Variants in GAPVD1 observed in about 807,000 individuals in gnomAD.
GAPVD1 encodes GTPase-activating protein and VPS9 domain-containing protein 1.
A neutral mutation model predicts 155.5 loss-of-function variants in GAPVD1; 35 were observed. The ratio of observed to expected loss-of-function variants is 0.23; its 90% CI spans 0.17 to 0.30. The LOEUF (loss-of-function observed/expected upper bound fraction) is 0.30, where lower values mean the gene tolerates loss of function less well. GAPVD1 is among the 10% of genes least tolerant of loss of function. The probability of loss-of-function intolerance (pLI) is 1.00; values close to 1 mark genes in which losing one functional copy is unlikely to be tolerated. For synonymous variants in GAPVD1, 636 were observed against 619.7 expected (o/e 1.03, Z -0.39); for missense variants, 1,429 against 1,775.7 (o/e 0.80, Z 3.51).
rs1649180046 is a variant in GAPVD1, at chr9:125,302,481, A to G, written c.684A>G (p.Pro228=). ...ACAAGCTAATTGAGAGGTTCTCTCC[A>G]TCTCAGCAGGAAAAACTCTTTGGAG... ...DPNKLIERFS[P]SQQEKLFGEK... The change falls in exon 5 of 28, where the codon CCA becomes CCG. Residue 228 remains proline (P), a synonymous_variant. Transcript: ENST00000297933. 9.3e-6 allele frequency: 15 copies of G among 1,613,816 alleles called. No homozygotes were observed. The highest frequency in any genetic ancestry group is 1.3e-5 in the Non-Finnish European group (15 of 1,179,932).
At position 125,349,434 on chromosome 9, in the gene GAPVD1, G is replaced by A. The variant is rs752026573; in HGVS notation, c.3214G>A (p.Glu1072Lys). Residue 1072 changes from glutamate (E) to lysine (K), a missense_variant, in exon 21 of 28, where the codon GAA becomes AAA. Glu to Lys is a moderately conservative substitution (Grantham distance 56). This residue lies in a region of GAPVD1 where 699 missense variants were observed against 826.0 expected (regional missense o/e 0.85). Transcript: ENST00000297933. ...AAGTGCACATGATTCTCCCCGTGAC[G>A]AAGCACTGCAGAACATCTCGGCTGA... ...GESAHDSPRD[E>K]ALQNISADDL... The A allele has an allele frequency of 3.7e-6, 6 of 1,613,748 alleles. No individual in the cohort carries two copies. Among genetic ancestry groups the A allele is most frequent in the Admixed American group, 3.3e-5 (2 of 60,002 alleles).
At chr9:125,352,276 C>T (rs998280542) in intron 23 of GAPVD1, among the ~76,000 whole-genome samples, 13 of 152,218 alleles carry the variant, frequency 8.5e-5, no homozygotes, top group African/African-American at 2.4e-4. Context: ...ATTTCCTTTC[C>T]GCACTGCCCT....
At chr9:125,283,896 G>A (rs1837209306) in intron 2 of GAPVD1, among the ~76,000 whole-genome samples, 1 of 150,150 alleles carries the variant, frequency 6.7e-6, no homozygotes, top group Admixed American at 6.6e-5. Flanking sequence ...TTTTTGATAT[G>A]GAGTCTCGCT....
chr9:125,362,191 G>A (rs992273477), intron 27 of GAPVD1, among the ~76,000 whole-genome samples: 5 of 152,276 alleles, frequency 3.3e-5, no homozygotes, highest in South Asian at 2.1e-4. Context: ...GCAACAGAGG[G>A]CATGTCATCT....
chr9:125,323,783 T>A lies in GAPVD1; in HGVS notation c.1733-15T>A. ...TGTTTTAAAAAGATTGCTCACACTA[T>A]AAACATTTCTCTAGGTCCTTCAAAT... On this transcript the variant is annotated splice_polypyrimidine_tract_variant and intron_variant, in intron 10 of 27. Coordinates refer to ENST00000297933, the MANE Select transcript of GAPVD1 (RefSeq NM_001282680.3). 6.2e-7 allele frequency: 1 copy of A among 1,613,316 alleles called. No homozygotes were observed. Among genetic ancestry groups the A allele is most frequent in the South Asian group, 1.1e-5 (1 of 91,068 alleles).
rs866803159 is a variant in GAPVD1 at position 125,364,282 on chromosome 9, G to A, written c.*1536G>A. The A allele has an allele frequency of 1.3e-5, 2 of 151,582 alleles. No individual in the cohort carries two copies. The highest frequency in any genetic ancestry group is 6.8e-3 in the Middle Eastern group (2 of 294). 9.4% of individuals were successfully genotyped at this position (151,582 alleles called of 1,614,324 possible). ...TTTTTTTGAGACAGAGTCTCACCCT[G>A]TTGCCCAGGCTGGAGTGCAATGGTG... On this transcript the variant is annotated 3_prime_UTR_variant, in exon 28 of 28. Coordinates refer to ENST00000297933, the MANE Select transcript of GAPVD1 (RefSeq NM_001282680.3).
intron 2 of GAPVD1, among the ~76,000 whole-genome samples, chr9:125,287,228 A>G (rs1322720670): frequency 6.6e-6 from 1 of 151,754 alleles, no homozygotes; most frequent in African/African-American, 2.4e-5. Context: ...AAATATAGAA[A>G]CATGACGATG....
intron 2 of GAPVD1, among the ~76,000 whole-genome samples, chr9:125,280,332 G>A (rs1836563798): frequency 1.4e-5 from 2 of 146,910 alleles, no homozygotes; most frequent in Admixed American, 6.9e-5. Flanking sequence ...GGAGGCGGAG[G>A]TTGTGGTGAG....
chr9:125,267,488 C>G (rs1192131752), intron 1 of GAPVD1, among the ~76,000 whole-genome samples: 1 of 152,130 alleles, frequency 6.6e-6, no homozygotes, highest in Non-Finnish European at 1.5e-5. Context: ...GGCACAATCT[C>G]AGCTCATCGC....
chr9:125,285,521 G>A (rs913407165), intron 2 of GAPVD1, among the ~76,000 whole-genome samples: 7 of 129,640 alleles, frequency 5.4e-5, no homozygotes, highest in Non-Finnish European at 9.3e-5. Flanking sequence ...GTAGTGGCCC[G>A]ATCTCGGGTT....
chr9:125,291,898 T>C (rs1002056563), intron 2 of GAPVD1, among the ~76,000 whole-genome samples: 2 of 152,008 alleles, frequency 1.3e-5, no homozygotes, highest in African/African-American at 4.8e-5. Flanking sequence ...GTGAAAAGGA[T>C]TGAAGAGGTA....
chr9:125,294,595 C>T (rs1028819815), intron 2 of GAPVD1, among the ~76,000 whole-genome samples: 8 of 151,490 alleles, frequency 5.3e-5, no homozygotes, highest in Non-Finnish European at 1.2e-4. Flanking sequence ...ATCCACCTGC[C>T]TCAGCCTCCC....
intron 1 of GAPVD1, among the ~76,000 whole-genome samples, chr9:125,264,387 G>C (rs1016597681): frequency 6.6e-6 from 1 of 152,128 alleles, no homozygotes; most frequent in Admixed American, 6.6e-5. Context: ...TAGAGGCAAG[G>C]TTTCACCATG....
At chr9:125,304,327 C>G (rs1841441680) in intron 5 of GAPVD1, among the ~76,000 whole-genome samples, 1 of 152,202 alleles carries the variant, frequency 6.6e-6, no homozygotes, top group Non-Finnish European at 1.5e-5. Context: ...TCTCAAAGTG[C>G]TGGGATCATA....
chr9:125,268,326 A>C (rs533909698), intron 1 of GAPVD1, among the ~76,000 whole-genome samples: 20 of 151,978 alleles, frequency 1.3e-4, no homozygotes, highest in African/African-American at 4.6e-4. Flanking sequence ...CAGTGATGGC[A>C]CATAGTTCTT....
At chr9:125,329,230 G>A (rs1431120331) in intron 12 of GAPVD1, among the ~76,000 whole-genome samples, 1 of 152,188 alleles carries the variant, frequency 6.6e-6, no homozygotes, top group Non-Finnish European at 1.5e-5. Context: ...TGCGCAATAA[G>A]CTGTATTTGC....
chr9:125,362,526 C>T (rs1033668510), intron 27 of GAPVD1, 80 bp from the exon 28 acceptor site: 1 of 1,126,126 alleles, frequency 8.9e-7, no homozygotes. Flanking sequence ...CATAGAAGAA[C>T]ATTCGAAGAA....
At chr9:125,298,748 A>C (rs1305405497) in intron 3 of GAPVD1, 142 bp from the exon 4 acceptor site, 9 of 466,278 alleles carry the variant, frequency 1.9e-5, no homozygotes, top group Non-Finnish European at 3.4e-5. Context: ...TTGGCCTCCC[A>C]AAGTGCTGGG....
intron 18 of GAPVD1, 28 bp downstream of exon 18, chr9:125,341,292 T>A: frequency 9.0e-7 from 1 of 1,105,808 alleles, no homozygotes; most frequent in Non-Finnish European, 1.4e-6. Context: ...TAGAACGCTG[T>A]ATTAGCAATA....
Sources: gnomAD v4.1 joint callset for allele counts (sites outside exome capture counted in the v4.1 genomes callset) on GRCh38, gnomAD v4.1.1 for gene constraint, gnomAD v4.1.1 regional missense constraint, MANE v1.5 for transcripts, NCBI Gene and HGNC (gene_info 2026-07-23, HGNC 2026-07-21) for gene names.